FHIT: variants seen among roughly 807,000 people sequenced by gnomAD.
The protein encoded by FHIT is fragile histidine triad diadenosine triphosphatase, also known as bis(5'-adenosyl)-triphosphatase.
A neutral mutation model predicts 17.9 loss-of-function variants in FHIT; 19 were observed. That is an observed-to-expected ratio of 1.06 (90% CI 0.74 to 1.56). The LOEUF (loss-of-function observed/expected upper bound fraction) is 1.56. Ranked by LOEUF, FHIT falls within the 40% of genes most tolerant of loss-of-function variation. The pLI is 0.00. For synonymous variants in FHIT, 81 were observed against 69.7 expected (o/e 1.16, Z -0.81); for missense variants, 248 against 189.2 (o/e 1.31, Z -1.82).
At chr3:61,036,459 A>T (rs1480264317) in intron 3 of FHIT, among the ~76,000 whole-genome samples, 1 of 152,172 alleles carries the variant, frequency 6.6e-6, no homozygotes, top group East Asian at 1.9e-4. Flanking sequence ...ATCCAAGGGC[A>T]CTTCAAATGT....
intron 2 of FHIT, among the ~76,000 whole-genome samples, chr3:61,101,194 G>A (rs918299291): frequency 6.6e-6 from 1 of 152,172 alleles, no homozygotes; most frequent in Non-Finnish European, 1.5e-5. Context: ...ATGGTTTTAG[G>A]TCTAACATTT....
At chr3:60,557,254 G>A (rs2107636544) in intron 4 of FHIT, among the ~76,000 whole-genome samples, 1 of 152,258 alleles carries the variant, frequency 6.6e-6, no homozygotes, top group Admixed American at 6.5e-5. Context: ...TTTGTACCCA[G>A]GTATGTGACA....
intron 5 of FHIT, among the ~76,000 whole-genome samples, chr3:60,430,213 GA>G (rs1289970885): frequency 1.3e-5 from 2 of 152,030 alleles, no homozygotes; most frequent in Non-Finnish European, 2.9e-5. Flanking sequence ...TTCCACTGGA[GA>G]ATAGAGCGAG....
intron 4 of FHIT, among the ~76,000 whole-genome samples, chr3:60,712,740 A>T (rs1553705488): frequency 6.8e-6 from 1 of 148,064 alleles, no homozygotes; most frequent in East Asian, 2.0e-4. Flanking sequence ...TCCTAAATAT[A>T]TATGCACCCA....
At chr3:60,071,338 A>C (rs567988228) in intron 5 of FHIT, among the ~76,000 whole-genome samples, 1 of 152,348 alleles carries the variant, frequency 6.6e-6, no homozygotes, top group South Asian at 2.1e-4. Flanking sequence ...TTTTAACAAC[A>C]TATTATTAAT....
At chr3:60,253,976 CA>C (rs1214132092) in intron 5 of FHIT, among the ~76,000 whole-genome samples, 5 of 152,288 alleles carry the variant, frequency 3.3e-5, no homozygotes, top group Admixed American at 1.3e-4. Flanking sequence ...CAAAATAACT[CA>C]AACCTACAAT....
intron 5 of FHIT, among the ~76,000 whole-genome samples, chr3:60,436,538 A>C (rs2107313882): frequency 6.7e-6 from 1 of 150,348 alleles, no homozygotes; most frequent in East Asian, 2.0e-4. Context: ...TAGACATATT[A>C]GCCTTTTAGT....
chr3:60,599,169 G>T (rs538442829), intron 4 of FHIT, among the ~76,000 whole-genome samples: 1 of 152,152 alleles, frequency 6.6e-6, no homozygotes, highest in Admixed American at 6.6e-5. Flanking sequence ...TCTTACAGAA[G>T]GGAGAGCTCA....
chr3:60,598,112 T>C (rs1553667329), intron 4 of FHIT, among the ~76,000 whole-genome samples: 1 of 152,150 alleles, frequency 6.6e-6, no homozygotes, highest in Non-Finnish European at 1.5e-5. Flanking sequence ...CCATCGAAGT[T>C]AGATAGCAGC....
intron 2 of FHIT, among the ~76,000 whole-genome samples, chr3:61,046,839 T>A (rs1205801005): frequency 6.6e-6 from 1 of 152,118 alleles, no homozygotes; most frequent in Non-Finnish European, 1.5e-5. Flanking sequence ...TGGTTCAACA[T>A]ATGCAAATCA....
At chr3:60,860,334 C>T (rs903165801) in intron 3 of FHIT, among the ~76,000 whole-genome samples, 45 of 143,858 alleles carry the variant, frequency 3.1e-4, no homozygotes, top group African/African-American at 1.2e-3. Flanking sequence ...CATATGTATA[C>T]ATGAGATACA....
At chr3:60,138,184 A>G (rs558833661) in intron 5 of FHIT, among the ~76,000 whole-genome samples, 2 of 152,202 alleles carry the variant, frequency 1.3e-5, no homozygotes, top group Non-Finnish European at 2.9e-5. Context: ...TATTCTTAAC[A>G]TGACGCAAAG....
chr3:61,217,535 A>G (rs1576244556), intron 1 of FHIT, among the ~76,000 whole-genome samples: 1 of 152,210 alleles, frequency 6.6e-6, no homozygotes, highest in Admixed American at 6.5e-5. Context: ...ACCTAGGCTC[A>G]GAAATCACAT....
intron 4 of FHIT, among the ~76,000 whole-genome samples, chr3:60,763,217 C>T (rs1172089716): frequency 6.6e-6 from 1 of 151,966 alleles, no homozygotes; most frequent in African/African-American, 2.4e-5. Context: ...GTTACAAAGC[C>T]CAATCGAAAT....
intron 3 of FHIT, among the ~76,000 whole-genome samples, chr3:60,842,624 TGAG>T (rs1702767120): frequency 4.1e-5 from 4 of 98,680 alleles, no homozygotes; most frequent in Non-Finnish European, 5.8e-5. Flanking sequence ...CATATATATA[TGAG>T]TGTATATATA....
At chr3:60,033,003 C>CTA (rs1379782605) in intron 5 of FHIT, among the ~76,000 whole-genome samples, 1 of 151,968 alleles carries the variant, frequency 6.6e-6, no homozygotes, top group Non-Finnish European at 1.5e-5. Flanking sequence ...ATAGAACAGT[C>CTA]TACAGGACAA....
At chr3:60,367,237 C>T (rs1025121735) in intron 5 of FHIT, among the ~76,000 whole-genome samples, 1 of 152,116 alleles carries the variant, frequency 6.6e-6, no homozygotes, top group African/African-American at 2.4e-5. Flanking sequence ...AATAATGCTG[C>T]CTGGACATTC....
chr3:60,120,084 C>T (rs184016554), intron 5 of FHIT, among the ~76,000 whole-genome samples: 2 of 152,318 alleles, frequency 1.3e-5, no homozygotes, highest in African/African-American at 2.4e-5. Context: ...CAAGGCCCAG[C>T]TTGAACATCA....
chr3:60,415,814 C>T (rs188835640), intron 5 of FHIT, among the ~76,000 whole-genome samples: 1 of 149,048 alleles, frequency 6.7e-6, no homozygotes, highest in African/African-American at 2.5e-5. Flanking sequence ...CCTCACTTTC[C>T]TCATCTATAA....
Sources: gnomAD v4.1 joint callset for allele counts (sites outside exome capture counted in the v4.1 genomes callset) on GRCh38, gnomAD v4.1.1 for gene constraint, MANE v1.5 for transcripts, NCBI Gene and HGNC (gene_info 2026-07-23, HGNC 2026-07-21) for gene names.